TLCD4: variants seen among roughly 807,000 people sequenced by gnomAD.
The protein encoded by TLCD4 is TLC domain containing 4, also known as TLC domain-containing protein 4.
TLCD4 carries 7 observed loss-of-function variants against 24.2 expected under a neutral mutation model. The observed-to-expected ratio is 0.29, with a 90% CI of 0.16 to 0.54. The LOEUF (loss-of-function observed/expected upper bound fraction) is 0.54, where lower values mean the gene tolerates loss of function less well. Ranked by LOEUF, TLCD4 falls within the 20% of genes least tolerant of loss-of-function variation. The pLI is 0.95. For synonymous variants in TLCD4, 103 were observed against 106.4 expected, an observed-to-expected ratio of 0.97 and a Z score of 0.20; for missense variants, 259 against 313.9, an observed-to-expected ratio of 0.82 and a Z score of 1.32.
rs1463493789 is a variant in TLCD4 at position 95,191,701 on chromosome 1, A to G, written c.625A>G (p.Ile209Val). The change falls in exon 7 of 7, where the codon ATA becomes GTA. Residue 209 changes from isoleucine to valine, a missense_variant. By Grantham distance (29) the Ile-to-Val change is conservative. Coordinates refer to ENST00000370203, the MANE Select transcript of TLCD4 (RefSeq NM_152487.3). ...TTCCGTGTATGGAACAGAACCCTACATAAGGCTTGGAGTTTTAATCCAGTT... is the reference window on the plus strand; with the variant it reads ...TTCCGTGTATGGAACAGAACCCTACGTAAGGCTTGGAGTTTTAATCCAGTT... Reference protein sequence around the residue: ...MYSVYGTEPYIRLGVLIQLSW... With the variant: ...MYSVYGTEPYVRLGVLIQLSW... 1.2e-6 allele frequency: 2 copies of G among 1,614,186 alleles called. No individual in the cohort carries two copies. Among genetic ancestry groups the G allele is most frequent in the East Asian group, 2.2e-5 (1 of 44,864 alleles).
chr1:95,159,797 T>C (rs925466666), intron 5 of TLCD4, among the ~76,000 whole-genome samples: 1 of 152,208 alleles, frequency 6.6e-6, no homozygotes, highest in East Asian at 1.9e-4. Flanking sequence ...GTCAGGTTTC[T>C]CAAAGATCAG....
the TLCD4 span, among the ~76,000 whole-genome samples, chr1:95,111,968 T>C: frequency 6.6e-6 from 1 of 152,182 alleles, no homozygotes; most frequent in Non-Finnish European, 1.5e-5. Flanking sequence ...ACAAATGTGT[T>C]TGAAATAGAA....
chr1:95,174,669 A>G (rs1327701563), intron 6 of TLCD4, among the ~76,000 whole-genome samples: 2 of 152,064 alleles, frequency 1.3e-5, no homozygotes, highest in Non-Finnish European at 2.9e-5. Flanking sequence ...AAACAGAGAA[A>G]CCCTGTCTGT....
chr1:95,124,003 C>T lies in TLCD4; in HGVS notation c.-12+6386C>T, dbSNP rs1676643432. On this transcript the variant is annotated intron_variant, in intron 1 of 6. Transcript: ENST00000370203. ...AAATATTCACTCAGCAGTGAAAGCG[C>T]AGCGTTAGATGTTATGGGGATTTCA... 1.3e-5 allele frequency among the ~76,000 whole-genome samples: 2 copies of T among 152,170 alleles called. 1 individual carries two copies. Among genetic ancestry groups the T allele is most frequent in the South Asian group, 4.1e-4 (2 of 4,834 alleles).
chr1:95,147,185 T>C (rs948827335), intron 2 of TLCD4, among the ~76,000 whole-genome samples: 3 of 152,010 alleles, frequency 2.0e-5, no homozygotes, highest in Non-Finnish European at 4.4e-5. Context: ...GTGATTCTTG[T>C]GCCTCAGCCT....
upstream of TLCD4, among the ~76,000 whole-genome samples, chr1:95,112,376 G>A (rs1333904601): frequency 6.6e-6 from 1 of 152,130 alleles, no homozygotes; most frequent in Non-Finnish European, 1.5e-5. Flanking sequence ...AGAGAAAATG[G>A]AAGGGAGGAA....
intron 5 of TLCD4, among the ~76,000 whole-genome samples, chr1:95,151,873 C>T (rs1393604420): frequency 6.6e-6 from 1 of 152,002 alleles, no homozygotes; most frequent in East Asian, 1.9e-4. Context: ...TTCAGAATTC[C>T]AAGACCAAGG....
rs201217774 is a variant in TLCD4 at position 95,179,037 on chromosome 1, C to T, written c.473+5148C>T. Among the ~76,000 whole-genome samples the T allele has an allele frequency of 4.6e-5, 7 of 152,358 alleles. No individual in the cohort carries two copies. In the South Asian group the frequency reaches 6.2e-4, roughly 14 times the overall value. ...ATTTCTCACCTTTACCACCTCTTCT[C>T]TGTCTCTACCTTCAGTGCCCTAGTT... On this transcript the variant is annotated intron_variant, in intron 6 of 6. Transcript: ENST00000370203.
At chr1:95,150,899 A>G (rs896638907) in intron 4 of TLCD4, among the ~76,000 whole-genome samples, 2 of 152,130 alleles carry the variant, frequency 1.3e-5, no homozygotes, top group East Asian at 1.9e-4. Context: ...TTTCTATTCA[A>G]TAATATTTTT....
At chr1:95,142,130 C>CTTTTTTT (rs35609217) in intron 1 of TLCD4, among the ~76,000 whole-genome samples, 3 of 119,282 alleles carry the variant, frequency 2.5e-5, no homozygotes, top group African/African-American at 3.2e-5. Context: ...GCCTTAGTGC[C>CTTTTTTT]TTTTTTTTTT....
intron 2 of TLCD4, 39 bp downstream of exon 2, chr1:95,144,095 G>T: frequency 2.2e-6 from 3 of 1,347,924 alleles, no homozygotes; most frequent in Non-Finnish European, 2.9e-6. Flanking sequence ...CAAGAAACTA[G>T]TTTATGAGAT....
the TLCD4 span, among the ~76,000 whole-genome samples, chr1:95,099,788 A>G: frequency 6.6e-6 from 1 of 151,896 alleles, no homozygotes; most frequent in Non-Finnish European, 1.5e-5. Context: ...CACCAACTCT[A>G]TTAGGTATTA....
the TLCD4 span, among the ~76,000 whole-genome samples, chr1:95,099,194 G>T: frequency 1.3e-5 from 2 of 152,258 alleles, no homozygotes; most frequent in South Asian, 4.1e-4. Flanking sequence ...TTGGGAGGGT[G>T]AGGCGGGCAA....
chr1:95,182,599 T>TA (rs1432247188), intron 6 of TLCD4, among the ~76,000 whole-genome samples: 2 of 152,222 alleles, frequency 1.3e-5, no homozygotes, highest in Non-Finnish European at 2.9e-5. Flanking sequence ...TTATTTGTGC[T>TA]AAGATGCCAA....
At chr1:95,157,244 G>A (rs913736233) in intron 5 of TLCD4, among the ~76,000 whole-genome samples, 12 of 152,082 alleles carry the variant, frequency 7.9e-5, no homozygotes, top group African/African-American at 2.9e-4. Context: ...ATTTAGGAAT[G>A]TACTTTTTTC....
intron 6 of TLCD4, among the ~76,000 whole-genome samples, chr1:95,179,788 C>T (rs976678427): frequency 6.6e-6 from 1 of 152,114 alleles, no homozygotes; most frequent in Non-Finnish European, 1.5e-5. Flanking sequence ...CTCCTTCTGC[C>T]ACATGGCCCC....
At chr1:95,130,554 A>G (rs1444638907) in intron 1 of TLCD4, among the ~76,000 whole-genome samples, 4 of 152,216 alleles carry the variant, frequency 2.6e-5, no homozygotes, top group Admixed American at 1.3e-4. Context: ...ATGAAAATGC[A>G]GACAAAACTC....
rs1223231746 is a variant in TLCD4, at chr1:95,193,630, GTT to G, written c.*1765_*1766del. The stretch of plus-strand genomic sequence containing the variant: ...ATTCAATGCAGATAGAGCCTGATAA[GTT>G]TTAGAACATTTAAAGAAGATTGAAA... On this transcript the variant is annotated 3_prime_UTR_variant, in exon 7 of 7. Transcript: ENST00000370203. 1 of 152,030 alleles carries G rather than the reference GTT, an allele frequency of 6.6e-6. No homozygotes were observed. Among genetic ancestry groups the G allele is most frequent in the Non-Finnish European group, 1.5e-5 (1 of 67,936 alleles). 9.4% of individuals were successfully genotyped at this position (152,030 alleles called of 1,614,324 possible). A position where few individuals can be genotyped will look rare whatever the true frequency, so the allele number is the denominator to read the frequency against.
At chr1:95,128,602 T>G (rs1676805492) in intron 1 of TLCD4, among the ~76,000 whole-genome samples, 1 of 152,196 alleles carries the variant, frequency 6.6e-6, no homozygotes, top group Non-Finnish European at 1.5e-5. Flanking sequence ...AGAGGTGGGA[T>G]AGCCTCCTAC....
Sources: allele counts gnomAD v4.1 joint callset (sites outside exome capture counted in the v4.1 genomes callset), GRCh38; gene constraint gnomAD v4.1.1; transcripts MANE v1.5; gene names NCBI Gene and HGNC (gene_info 2026-07-23, HGNC 2026-07-21).